Variants in TPO observed in about 807,000 individuals in gnomAD.
TPO encodes thyroid microsomal antigen.
In TPO, 78 loss-of-function variants were observed where a neutral mutation model predicts 96.9. That is an observed-to-expected ratio of 0.81 (90% CI 0.67 to 0.97). TPO has a LOEUF of 0.97. TPO is among the 50% of genes least tolerant of loss of function. The pLI is 0.00. For missense variants in TPO, 1,252 were observed against 1,274.8 expected (o/e 0.98, Z 0.27); for synonymous variants, 547 against 538.0 (o/e 1.02, Z -0.23).
intron 1 of TPO, among the ~76,000 whole-genome samples, chr2:1,376,561 G>C (rs1266387902): frequency 1.3e-5 from 2 of 152,138 alleles, no homozygotes; most frequent in African/African-American, 4.8e-5. Context: ...GGCTGAGGCT[G>C]TTCCTGATGG....
At chr2:1,486,377 AAAC>A (rs1365824917) in intron 9 of TPO, among the ~76,000 whole-genome samples, 2 of 151,892 alleles carry the variant, frequency 1.3e-5, no homozygotes, top group African/African-American at 4.8e-5. Flanking sequence ...CAAAATAAAC[AAAC>A]AAAAAACATT....
chr2:1,486,849 A>G (rs959213931), intron 9 of TPO, among the ~76,000 whole-genome samples: 1 of 152,168 alleles, frequency 6.6e-6, no homozygotes, highest in Admixed American at 6.5e-5. Flanking sequence ...ATACCTGCTT[A>G]GATGAGAGCT....
At chr2:1,391,758 T>G (rs1009931480) in intron 1 of TPO, among the ~76,000 whole-genome samples, 9 of 152,186 alleles carry the variant, frequency 5.9e-5, no homozygotes, top group Admixed American at 2.0e-4. Flanking sequence ...TTCCTAGGTA[T>G]TTTATTCTCT....
intron 12 of TPO, 148 bp from the exon 13 acceptor site, chr2:1,496,447 C>T (rs750387686): frequency 8.5e-6 from 10 of 1,172,844 alleles, no homozygotes; most frequent in South Asian, 1.3e-5. Flanking sequence ...GTGTGTGCTG[C>T]GTGGGTGCTC....
chr2:1,542,714 G>A lies in TPO; in HGVS notation c.*240G>A. The A allele has an allele frequency of 5.0e-6, 6 of 1,206,198 alleles. No homozygotes were observed. The highest frequency in any genetic ancestry group is 3.0e-5 in the South Asian group (2 of 65,598). 74.7% of individuals were successfully genotyped at this position (1,206,198 alleles called of 1,614,324 possible). On this transcript the variant is annotated 3_prime_UTR_variant, in exon 17 of 17. Coordinates refer to ENST00000329066, the MANE Select transcript of TPO (RefSeq NM_001206744.2). ...CCTTCTGGGGCTTTGCCATTAAAAT[G>A]TATTTACAGATTACACATCTTTATT...
At chr2:1,424,462 C>T (rs1664114512) in intron 3 of TPO, among the ~76,000 whole-genome samples, 1 of 152,150 alleles carries the variant, frequency 6.6e-6, no homozygotes, top group Non-Finnish European at 1.5e-5. Flanking sequence ...TTGGAATGCT[C>T]TTGGCCGAGA....
chr2:1,472,983 T>C (rs1669579952), intron 7 of TPO, among the ~76,000 whole-genome samples: 2 of 152,194 alleles, frequency 1.3e-5, no homozygotes, highest in African/African-American at 4.8e-5. Flanking sequence ...ATAGCCTTTG[T>C]CCATTTTTCT....
intron 3 of TPO, among the ~76,000 whole-genome samples, chr2:1,425,873 T>C (rs1410565733): frequency 1.3e-5 from 2 of 151,106 alleles, no homozygotes; most frequent in South Asian, 2.1e-4. Flanking sequence ...TCATTTCATA[T>C]CCTCAGAAGT....
intron 1 of TPO, among the ~76,000 whole-genome samples, chr2:1,397,807 T>C (rs1431117692): frequency 1.3e-5 from 2 of 152,094 alleles, no homozygotes; most frequent in East Asian, 3.9e-4. Flanking sequence ...TGTTTTCCGA[T>C]CCTCTCTGCA....
At chr2:1,382,437 G>T (rs1661824680) in intron 1 of TPO, among the ~76,000 whole-genome samples, 1 of 152,158 alleles carries the variant, frequency 6.6e-6, no homozygotes, top group Non-Finnish European at 1.5e-5. Context: ...TGCCTTACTG[G>T]CCAGCAACAC....
intron 8 of TPO, among the ~76,000 whole-genome samples, chr2:1,480,308 T>C (rs1306210280): frequency 6.6e-6 from 1 of 152,126 alleles, no homozygotes; most frequent in Non-Finnish European, 1.5e-5. Flanking sequence ...CTTTGATACA[T>C]TAAAATAATA....
At chr2:1,509,634 A>G (rs560310138) in intron 14 of TPO, among the ~76,000 whole-genome samples, 1 of 132,300 alleles carries the variant, frequency 7.6e-6, no homozygotes, top group African/African-American at 2.9e-5. Flanking sequence ...GGCACACCCC[A>G]CCCTCTTCTT....
intron 5 of TPO, among the ~76,000 whole-genome samples, chr2:1,447,077 A>G (rs1666897055): frequency 6.6e-6 from 1 of 152,186 alleles, no homozygotes; most frequent in Admixed American, 6.5e-5. Flanking sequence ...CCTGTTGGCA[A>G]GGGTGTTCCA....
intron 7 of TPO, among the ~76,000 whole-genome samples, chr2:1,465,558 T>A (rs1668823106): frequency 6.6e-6 from 1 of 152,164 alleles, no homozygotes; most frequent in Admixed American, 6.5e-5. Flanking sequence ...TTTGTTTGTG[T>A]TGTCTGTGGT....
chr2:1,524,962 C>G (rs1318437191), intron 15 of TPO, among the ~76,000 whole-genome samples: 1 of 133,790 alleles, frequency 7.5e-6, no homozygotes. Flanking sequence ...TGCAACCTCC[C>G]CAAATCCCCC....
At chr2:1,478,903 A>C (rs1034200562) in intron 8 of TPO, among the ~76,000 whole-genome samples, 1 of 152,154 alleles carries the variant, frequency 6.6e-6, no homozygotes, top group Non-Finnish European at 1.5e-5. Flanking sequence ...TCCACACAGC[A>C]AACACGGCAG....
chr2:1,496,307 C>T (rs1380112924), intron 12 of TPO, 110 bp downstream of exon 12: 4 of 1,179,216 alleles, frequency 3.4e-6, no homozygotes, highest in Non-Finnish European at 4.8e-6. Flanking sequence ...AAAATAGTGT[C>T]AACGCCCTGC....
At chr2:1,471,655 GT>G (rs1306234028) in intron 7 of TPO, among the ~76,000 whole-genome samples, 1 of 152,014 alleles carries the variant, frequency 6.6e-6, no homozygotes, top group African/African-American at 2.4e-5. Context: ...TCACTCCCAT[GT>G]TCTCCACTCA....
At chr2:1,412,423 G>A (rs138979601), upstream of TPO, among the ~76,000 whole-genome samples, 263 of 152,154 alleles carry the variant, frequency 1.7e-3, no homozygotes, top group African/African-American at 6.0e-3. Flanking sequence ...GTGCGTGGGG[G>A]GATTATATCA....
Sources: allele counts gnomAD v4.1 joint callset (sites outside exome capture counted in the v4.1 genomes callset), GRCh38; gene constraint gnomAD v4.1.1; transcripts MANE v1.5; gene names NCBI Gene and HGNC (gene_info 2026-07-23, HGNC 2026-07-21).